OCIAD1: variants seen among roughly 807,000 people sequenced by gnomAD.
OCIAD1 encodes the protein OCIA domain-containing protein 1.
A neutral mutation model predicts 38.9 loss-of-function variants in OCIAD1; 29 were observed. That is an observed-to-expected ratio of 0.74 (90% CI 0.55 to 1.02). OCIAD1 has a LOEUF of 1.02. Among genes scored for constraint, OCIAD1 ranks in the 50% least tolerant of loss-of-function variants. The pLI is 0.00. For missense variants in OCIAD1, 288 were observed against 289.6 expected (o/e 0.99, Z 0.04); for synonymous variants, 110 against 92.0 (o/e 1.20, Z -1.12).
At chr4:48,854,077 C>T (rs756385248) in intron 7 of OCIAD1, among the ~76,000 whole-genome samples, 2 of 152,196 alleles carry the variant, frequency 1.3e-5, no homozygotes, top group African/African-American at 4.8e-5. Context: ...GTCCTTGTTC[C>T]TCACTATGTC....
At chr4:48,816,670 G>A (rs1262542802) in intron 1 of OCIAD1, among the ~76,000 whole-genome samples, 1 of 152,066 alleles carries the variant, frequency 6.6e-6, no homozygotes, top group Non-Finnish European at 1.5e-5. Context: ...TTTATTATTA[G>A]GCTTAAATTT....
intron 3 of OCIAD1, among the ~76,000 whole-genome samples, chr4:48,838,082 C>G (rs1778164333): frequency 6.6e-6 from 1 of 152,114 alleles, no homozygotes; most frequent in Non-Finnish European, 1.5e-5. Context: ...CTTTGGGAGG[C>G]TGAGGCAGGC....
At chr4:48,808,061 G>C (rs1181896554) in intron 1 of OCIAD1, among the ~76,000 whole-genome samples, 2 of 152,208 alleles carry the variant, frequency 1.3e-5, no homozygotes, top group African/African-American at 4.8e-5. Context: ...CATAGAGCTA[G>C]TAACTCCAGA....
intron 3 of OCIAD1, among the ~76,000 whole-genome samples, chr4:48,835,734 C>G (rs774377000): frequency 1.1e-4 from 16 of 152,106 alleles, no homozygotes; most frequent in Non-Finnish European, 1.6e-4. Flanking sequence ...TGAACCTGGC[C>G]CCAGCACATT....
At chr4:48,826,245 T>C (rs1368179123), upstream of OCIAD1, among the ~76,000 whole-genome samples, 4 of 152,274 alleles carry the variant, frequency 2.6e-5, no homozygotes, top group South Asian at 6.2e-4. Context: ...GTTGGTGTGC[T>C]GCACCCATTA....
intron 3 of OCIAD1, among the ~76,000 whole-genome samples, chr4:48,840,655 C>T (rs9997920): frequency 0.51 from 77,427 of 151,932 alleles, 20,070 homozygotes; most frequent in South Asian, 0.6. Context: ...AGCCCATGGA[C>T]CAAATCTGTT....
Position 48,833,571 on chromosome 4 carries a change from C to G in OCIAD1, c.139+90C>G, listed in dbSNP as rs549261488. ...TTTGAACCTGAAATTATAATAACTCCGTATAGAACAAATTGGCAAACTTTT... is the reference window on the plus strand; with the variant it reads ...TTTGAACCTGAAATTATAATAACTCGGTATAGAACAAATTGGCAAACTTTT... On this transcript the variant is annotated intron_variant, in intron 3 of 8. Transcript: ENST00000264312. 4 of 773,176 alleles carry G rather than the reference C, an allele frequency of 5.2e-6. No homozygotes were observed. In the African/African-American group the frequency reaches 7.1e-5, roughly 14 times the overall value. 47.9% of individuals were successfully genotyped at this position (773,176 alleles called of 1,614,324 possible).
chr4:48,829,853 A>G (rs1777341002), upstream of OCIAD1, among the ~76,000 whole-genome samples: 1 of 152,246 alleles, frequency 6.6e-6, no homozygotes, highest in Admixed American at 6.5e-5. Flanking sequence ...GCTCTGTAAC[A>G]GAGACAGACG....
intron 3 of OCIAD1, among the ~76,000 whole-genome samples, chr4:48,834,275 G>A (rs1375956104): frequency 2.0e-5 from 3 of 152,124 alleles, no homozygotes; most frequent in Non-Finnish European, 2.9e-5. Flanking sequence ...GGGTTCAAGC[G>A]ATTCTCCTGC....
intron 4 of OCIAD1, among the ~76,000 whole-genome samples, chr4:48,847,277 C>T (rs532065230): frequency 6.6e-6 from 1 of 152,232 alleles, no homozygotes; most frequent in East Asian, 1.9e-4. Flanking sequence ...GTCTGTTAAC[C>T]ATTTTTCCAT....
chr4:48,848,419 A>G lies in OCIAD1; in HGVS notation c.214A>G (p.Lys72Glu), dbSNP rs1169792824. 2.0e-6 allele frequency: 3 copies of G among 1,508,626 alleles called. No individual in the cohort carries two copies. The highest frequency in any genetic ancestry group is 3.4e-5 in the Admixed American group (2 of 58,242). The allele number at this position is 1,508,626 out of a possible 1,614,324, so 93.5% of individuals were successfully genotyped here. Residue 72 changes from lysine (K) to glutamate (E), a missense_variant, in exon 5 of 9, where the codon AAA becomes GAA. Coordinates refer to ENST00000264312, the MANE Select transcript of OCIAD1 (RefSeq NM_017830.4). ...ISKGILSSHP[K>E]YGSIPKLILA... The stretch of plus-strand genomic sequence containing the variant: ...TTTAGGAATACTTTCAAGTCATCCC[A>G]AATATGGTTCCATCCCTAAACTTAT...
At position 48,849,983 on chromosome 4, in the gene OCIAD1, C is replaced by A. The variant is rs1384635222; in HGVS notation, c.278C>A (p.Ser93Tyr). 6.2e-7 allele frequency: 1 copy of A among 1,611,236 alleles called. No individual in the cohort carries two copies. The change falls in exon 6 of 9, where the codon TCT (serine) becomes TAT (tyrosine). Residue 93 changes from serine (S) to tyrosine (Y), a missense_variant. By Grantham distance (144) the Ser-to-Tyr change is moderately radical. Coordinates refer to ENST00000264312, the MANE Select transcript of OCIAD1 (RefSeq NM_017830.4). ...CIMGYFAGKL[S>Y]YVKTCQEKFK... ...ATGGGATACTTTGCTGGAAAACTTT[C>A]TTATGTGAAAACTTGCCAAGAGAAA...
At position 48,860,909 on chromosome 4, in the gene OCIAD1, G is replaced by T; in HGVS notation, c.*147G>T. 5 of 646,546 alleles carry T rather than the reference G, an allele frequency of 7.7e-6. No homozygotes were observed. The highest frequency in any genetic ancestry group is 2.7e-5 in the East Asian group (1 of 36,572). 40.1% of individuals were successfully genotyped at this position (646,546 alleles called of 1,614,324 possible). A position where few individuals can be genotyped will look rare whatever the true frequency, so the allele number is the denominator to read the frequency against. ...GTTTTTGTGGTTTGACTTCTATGGT[G>T]TTTTAAAAAAACACAGATTTTTAGT... On this transcript the variant is annotated 3_prime_UTR_variant, in exon 9 of 9. Transcript: ENST00000264312.
At position 48,806,007 on chromosome 4, in the gene OCIAD1, C is replaced by T. The variant is rs530900701; in HGVS notation, c.-103+677C>T. Among the ~76,000 whole-genome samples, 50 of 152,348 alleles carry T rather than the reference C, an allele frequency of 3.3e-4. 1 individual carries two copies. In the South Asian group the frequency reaches 8.5e-3, roughly 26 times the overall value. ...GGCCGGGCATGGTGGTGGCTCACGC[C>T]TGTAATCCCAACACTTTGGGAGGCC... On this transcript the variant is annotated intron_variant, in intron 1 of 6. Transcript: ENST00000504654.
chr4:48,810,450 C>CA (rs1312976490), intron 1 of OCIAD1, among the ~76,000 whole-genome samples: 5 of 120,070 alleles, frequency 4.2e-5, no homozygotes, highest in Non-Finnish European at 8.0e-5. Context: ...ACCTGGGTGA[C>CA]AGAGTGAGAC....
At chr4:48,834,569 A>G (rs1447249542) in intron 3 of OCIAD1, among the ~76,000 whole-genome samples, 9 of 152,224 alleles carry the variant, frequency 5.9e-5, no homozygotes, top group African/African-American at 1.9e-4. Context: ...CAGAAGTTCA[A>G]GACCAGCGTG....
At chr4:48,849,435 G>C (rs893364799) in intron 5 of OCIAD1, among the ~76,000 whole-genome samples, 1 of 152,062 alleles carries the variant, frequency 6.6e-6, no homozygotes, top group Non-Finnish European at 1.5e-5. Context: ...TAAGTGCCAC[G>C]TTTAGGTTAT....
intron 1 of OCIAD1, among the ~76,000 whole-genome samples, chr4:48,815,395 G>T (rs1777134667): frequency 6.6e-6 from 1 of 152,186 alleles, no homozygotes; most frequent in African/African-American, 2.4e-5. Context: ...ACTCAGGATT[G>T]ACAATGTATT....
intron 4 of OCIAD1, among the ~76,000 whole-genome samples, chr4:48,843,956 A>T (rs1778753882): frequency 6.6e-6 from 1 of 152,258 alleles, no homozygotes; most frequent in Non-Finnish European, 1.5e-5. Context: ...AAGCAAATAG[A>T]AAATTTAATT....
Sources: allele counts gnomAD v4.1 joint callset (sites outside exome capture counted in the v4.1 genomes callset), GRCh38; gene constraint gnomAD v4.1.1; transcripts MANE v1.5; gene names NCBI Gene and HGNC (gene_info 2026-07-23, HGNC 2026-07-21).